The following PLCL1 variants were observed in gnomAD, a reference collection of about 807,000 sequenced individuals.
PLCL1 encodes inactive phospholipase C-like protein 1.
In PLCL1, 41 loss-of-function variants were observed where a neutral mutation model predicts 84.4. That is an observed-to-expected ratio of 0.49 (90% CI 0.38 to 0.63). PLCL1 has a LOEUF of 0.63. Ranked by LOEUF, PLCL1 falls within the 30% of genes least tolerant of loss-of-function variation. The pLI, the probability that PLCL1 is intolerant of heterozygous loss-of-function variation, is 0.00. For synonymous variants in PLCL1, 490 were observed against 488.3 expected, an observed-to-expected ratio of 1.00 and a Z score of -0.05; for missense variants, 1,206 against 1,367.8, an observed-to-expected ratio of 0.88 and a Z score of 1.87.
chr2:197,879,691 T>A (rs1368031446), intron 1 of PLCL1, among the ~76,000 whole-genome samples: 1 of 152,190 alleles, frequency 6.6e-6, no homozygotes, highest in African/African-American at 2.4e-5. Context: ...GATAAAGGGC[T>A]GTGCAAATTC....
At chr2:198,116,495 A>G (rs956829282) in intron 5 of PLCL1, among the ~76,000 whole-genome samples, 1 of 151,894 alleles carries the variant, frequency 6.6e-6, no homozygotes, top group Non-Finnish European at 1.5e-5. Flanking sequence ...GATTAATTAT[A>G]GATTCTTTGA....
intron 1 of PLCL1, among the ~76,000 whole-genome samples, chr2:197,916,912 TAGTA>T (rs1688610497): frequency 6.6e-6 from 1 of 152,118 alleles, no homozygotes; most frequent in Non-Finnish European, 1.5e-5. Flanking sequence ...ATGTTCAAGG[TAGTA>T]TGGCTGTAGA....
At chr2:197,979,149 A>C (rs528857928) in intron 1 of PLCL1, among the ~76,000 whole-genome samples, 2 of 152,288 alleles carry the variant, frequency 1.3e-5, no homozygotes, top group Admixed American at 1.3e-4. Context: ...GAAAGCTAAT[A>C]GTATCTGTTA....
At chr2:197,965,599 T>C (rs1689712163) in intron 1 of PLCL1, among the ~76,000 whole-genome samples, 1 of 152,322 alleles carries the variant, frequency 6.6e-6, no homozygotes, top group African/African-American at 2.4e-5. Context: ...GTGTTTGGGT[T>C]GCTCTTGCTT....
At chr2:198,018,921 T>A (rs1691064550) in intron 1 of PLCL1, among the ~76,000 whole-genome samples, 1 of 152,222 alleles carries the variant, frequency 6.6e-6, no homozygotes. Flanking sequence ...CCCTGACCCT[T>A]GTGCCTTCTG....
At chr2:198,087,799 A>G (rs1228747404) in intron 2 of PLCL1, among the ~76,000 whole-genome samples, 1 of 152,146 alleles carries the variant, frequency 6.6e-6, no homozygotes, top group Non-Finnish European at 1.5e-5. Context: ...TACCTTATAA[A>G]TATATATACC....
At position 197,833,913 on chromosome 2, in the gene PLCL1, C is replaced by T. The variant is rs528433479; in HGVS notation, c.240+28574C>T. On this transcript the variant is annotated intron_variant, in intron 1 of 5. Coordinates refer to ENST00000428675, the MANE Select transcript of PLCL1 (RefSeq NM_006226.4). ...AGGCATCATGCTACCTGACTTCAAA[C>T]TGTACTACAAGGCCACAGTAACCAA... Among the ~76,000 whole-genome samples, 414 of 152,320 alleles carry T rather than the reference C, an allele frequency of 2.7e-3. 3 individuals are homozygous for T. Among genetic ancestry groups the T allele is most frequent in the Non-Finnish European group, 3.2e-3 (215 of 68,016 alleles).
chr2:197,948,540 C>T (rs1417235320), intron 1 of PLCL1, among the ~76,000 whole-genome samples: 1 of 151,856 alleles, frequency 6.6e-6, no homozygotes, highest in Admixed American at 6.6e-5. Context: ...TCACTACCAC[C>T]CATGGCAAAT....
At chr2:197,916,493 G>C (rs1688602667) in intron 1 of PLCL1, among the ~76,000 whole-genome samples, 1 of 152,094 alleles carries the variant, frequency 6.6e-6, no homozygotes, top group South Asian at 2.1e-4. Flanking sequence ...GTTGTGAGGA[G>C]GAAAGGGAAT....
intron 1 of PLCL1, among the ~76,000 whole-genome samples, chr2:197,891,326 G>C (rs1688022302): frequency 6.6e-6 from 1 of 152,160 alleles, no homozygotes; most frequent in Non-Finnish European, 1.5e-5. Flanking sequence ...CAGTCTTAAA[G>C]CATAAGCAGT....
At chr2:198,024,441 C>G (rs773251578) in intron 1 of PLCL1, among the ~76,000 whole-genome samples, 1 of 151,990 alleles carries the variant, frequency 6.6e-6, no homozygotes, top group Non-Finnish European at 1.5e-5. Flanking sequence ...TTTATATTAA[C>G]ACTAGCATTT....
chr2:198,076,961 A>G (rs774821608), intron 1 of PLCL1, among the ~76,000 whole-genome samples: 9 of 152,208 alleles, frequency 5.9e-5, no homozygotes, highest in Non-Finnish European at 1.0e-4. Flanking sequence ...GCATAGGCCC[A>G]TTGGAAAGGC....
At chr2:197,866,392 T>C (rs1344673800) in intron 1 of PLCL1, among the ~76,000 whole-genome samples, 1 of 151,876 alleles carries the variant, frequency 6.6e-6, no homozygotes, top group Non-Finnish European at 1.5e-5. Context: ...TACTTTCACA[T>C]TGAATTAATT....
At chr2:198,103,030 A>G (rs1002748657) in intron 4 of PLCL1, among the ~76,000 whole-genome samples, 1 of 152,088 alleles carries the variant, frequency 6.6e-6, no homozygotes, top group Non-Finnish European at 1.5e-5. Context: ...GTGTTTCCCA[A>G]AATGCTATTT....
At chr2:197,963,555 T>G (rs1343841763) in intron 1 of PLCL1, among the ~76,000 whole-genome samples, 1 of 152,114 alleles carries the variant, frequency 6.6e-6, no homozygotes, top group African/African-American at 2.4e-5. Flanking sequence ...ACTTTGTGGG[T>G]TGTTTCTTTT....
chr2:197,866,010 CAAAAAAAA>C (rs1171570991), intron 1 of PLCL1, among the ~76,000 whole-genome samples: 205 of 11,924 alleles, frequency 0.017, 5 homozygotes, highest in African/African-American at 0.09. Flanking sequence ...AACCTATCTC[CAAAAAAAA>C]AAAAAAAAAA....
chr2:198,112,382 T>G (rs2105920716), intron 5 of PLCL1, among the ~76,000 whole-genome samples: 1 of 151,954 alleles, frequency 6.6e-6, no homozygotes, highest in South Asian at 2.1e-4. Context: ...CTCCTCTTGT[T>G]TCTCTTGGAC....
At chr2:198,089,091 C>A (rs533553154) in intron 3 of PLCL1, 30 bp downstream of exon 3, 4 of 1,492,834 alleles carry the variant, frequency 2.7e-6, no homozygotes, top group East Asian at 2.3e-5. Context: ...TATTTTTTTA[C>A]GTGTGTGTGT....
Position 197,821,478 on chromosome 2 carries a change from G to T in PLCL1, c.240+16139G>T, listed in dbSNP as rs563243881. Among the ~76,000 whole-genome samples the T allele has an allele frequency of 1.4e-4, 22 of 152,254 alleles. No homozygotes were observed. The South Asian group carries it at 4.4e-3, about 30-fold the overall frequency. ...AAGCAGGTTATTACAAATCAGGTAG[G>T]TGTCTCTGCTCCGTAAAGTAATTCA... On this transcript the variant is annotated intron_variant, in intron 1 of 5. Transcript: ENST00000428675.
Sources: gnomAD v4.1 joint callset for allele counts (sites outside exome capture counted in the v4.1 genomes callset) on GRCh38, gnomAD v4.1.1 for gene constraint, MANE v1.5 for transcripts, NCBI Gene and HGNC (gene_info 2026-07-23, HGNC 2026-07-21) for gene names.